Variants in GNAL observed in about 807,000 individuals in gnomAD.
The protein encoded by GNAL is guanine nucleotide-binding protein G(olf) subunit alpha.
A neutral mutation model predicts 55.1 loss-of-function variants in GNAL; 18 were observed. That is an observed-to-expected ratio of 0.33 (90% CI 0.23 to 0.48). GNAL has a LOEUF of 0.48. Among genes scored for constraint, GNAL ranks in the 20% least tolerant of loss-of-function variants. The pLI is 0.99. For missense variants in GNAL, 412 were observed against 614.1 expected (o/e 0.67, Z 3.48); for synonymous variants, 253 against 237.0 (o/e 1.07, Z -0.62).
At chr18:11,712,341 G>A (rs1347892181) in intron 1 of GNAL, among the ~76,000 whole-genome samples, 1 of 152,198 alleles carries the variant, frequency 6.6e-6, no homozygotes, top group African/African-American at 2.4e-5. Flanking sequence ...CAGGCCCGAC[G>A]TGCATAAAAT....
chr18:11,725,848 C>T (rs1161007686), intron 1 of GNAL, among the ~76,000 whole-genome samples: 1 of 152,160 alleles, frequency 6.6e-6, no homozygotes, highest in Non-Finnish European at 1.5e-5. Flanking sequence ...CAGGAAACTA[C>T]CAAATTGTCT....
chr18:11,740,705 C>T (rs1404618340), intron 1 of GNAL, among the ~76,000 whole-genome samples: 1 of 152,204 alleles, frequency 6.6e-6, no homozygotes. Flanking sequence ...TTCATTTGCT[C>T]AACCATACAA....
At chr18:11,828,501 G>C (rs1237221183) in intron 5 of GNAL, among the ~76,000 whole-genome samples, 4 of 152,188 alleles carry the variant, frequency 2.6e-5, no homozygotes, top group Non-Finnish European at 5.9e-5. Flanking sequence ...TTCTAAAGCA[G>C]TTCTTAATAA....
Position 11,752,713 on chromosome 18 carries a change from G to A in GNAL, c.377-140G>A, listed in dbSNP as rs1598429391. ...GGGCCGCGGAGCCCAGACGGCGGCC[G>A]GGGCGAGCTCCTCCAGCCAGGAACC... is the stretch of plus-strand genomic sequence containing the variant. On this transcript the variant is annotated intron_variant, in intron 1 of 11. Transcript: ENST00000334049. The surrounding 1 kb of genome is among the most constrained non-coding windows in gnomAD (Gnocchi z 4.5). 20 of 1,163,716 alleles carry A rather than the reference G, an allele frequency of 1.7e-5. No homozygotes were observed. The highest frequency in any genetic ancestry group is 2.3e-5 in the Non-Finnish European group (19 of 838,580). The allele number at this position is 1,163,716 out of a possible 1,614,324, so 72.1% of individuals were successfully genotyped here. A position where few individuals can be genotyped will look rare whatever the true frequency, so the allele number is the denominator to read the frequency against.
intron 5 of GNAL, chr18:11,854,481 A>C (rs2035956941): frequency 6.0e-6 from 1 of 167,028 alleles, no homozygotes; most frequent in Non-Finnish European, 1.5e-5. Context: ...GTTTTAAAAA[A>C]CACTTAAGAA....
intron 5 of GNAL, among the ~76,000 whole-genome samples, chr18:11,843,965 C>T (rs1307198481): frequency 1.3e-5 from 2 of 151,698 alleles, no homozygotes; most frequent in Admixed American, 6.6e-5. Context: ...GGGAGTGAAA[C>T]TCCATCTCAA....
chr18:11,694,661 G>A (rs544868043), intron 1 of GNAL, among the ~76,000 whole-genome samples: 83 of 152,240 alleles, frequency 5.5e-4, no homozygotes, highest in African/African-American at 1.8e-3. Flanking sequence ...GACTGGGTGC[G>A]GAGGGTAGGT....
intron 6 of GNAL, among the ~76,000 whole-genome samples, chr18:11,862,760 C>T (rs2036176139): frequency 6.6e-6 from 1 of 151,924 alleles, no homozygotes; most frequent in Admixed American, 6.6e-5. Flanking sequence ...TTCCTGGCTT[C>T]ATAAACTATG....
chr18:11,869,900 CTG>C (rs2036355707), intron 9 of GNAL, among the ~76,000 whole-genome samples: 1 of 152,104 alleles, frequency 6.6e-6, no homozygotes, highest in Non-Finnish European at 1.5e-5. Flanking sequence ...CAGAGGGAGA[CTG>C]TGTCTCAAAA....
At chr18:11,763,386 TAGG>T (rs2033305876) in intron 4 of GNAL, among the ~76,000 whole-genome samples, 1 of 152,118 alleles carries the variant, frequency 6.6e-6, no homozygotes, top group Non-Finnish European at 1.5e-5. Context: ...GTATCAAAAT[TAGG>T]AGATTTAACA....
Position 11,867,230 on chromosome 18 carries a change from ATTT to A in GNAL, c.910+9_910+11del, listed in dbSNP as rs761363529. 6.3e-7 allele frequency: 1 copy of A among 1,580,416 alleles called. No individual in the cohort carries two copies. Among genetic ancestry groups the A allele is most frequent in the African/African-American group, 1.3e-5 (1 of 74,212 alleles). On this transcript the variant is annotated splice_donor_5th_base_variant and intron_variant, in intron 8 of 11. Transcript: ENST00000334049. Reference sequence around the variant, plus strand: ...AAATGGATCCAGTGCTTTAACGGTGATTTTTTTATGCTCTCTCAAGAAAATAGG... The same window carrying A: ...AAATGGATCCAGTGCTTTAACGGTGATTTTATGCTCTCTCAAGAAAATAGG...
At chr18:11,825,835 A>G (rs1401575261) in intron 5 of GNAL, among the ~76,000 whole-genome samples, 1 of 151,372 alleles carries the variant, frequency 6.6e-6, no homozygotes, top group Non-Finnish European at 1.5e-5. Flanking sequence ...TGTTAGATAT[A>G]TTCTATTGCT....
At chr18:11,867,855 T>C (rs962066746) in intron 8 of GNAL, among the ~76,000 whole-genome samples, 11 of 151,890 alleles carry the variant, frequency 7.2e-5, no homozygotes, top group Non-Finnish European at 1.6e-4. Context: ...CCGGGTGTGG[T>C]GGCTCATGCC....
intron 1 of GNAL, among the ~76,000 whole-genome samples, chr18:11,706,418 G>A (rs2031713801): frequency 6.6e-6 from 1 of 152,120 alleles, no homozygotes; most frequent in African/African-American, 2.4e-5. Context: ...CTGGTGGAAG[G>A]TCTTGCCTCG....
At chr18:11,732,916 C>T (rs939255276) in intron 1 of GNAL, among the ~76,000 whole-genome samples, 4 of 152,176 alleles carry the variant, frequency 2.6e-5, no homozygotes, top group Admixed American at 6.5e-5. Context: ...GGCGGGAACA[C>T]AGGAGTGGGT....
At chr18:11,849,838 C>G (rs1313447019) in intron 5 of GNAL, among the ~76,000 whole-genome samples, 2 of 152,224 alleles carry the variant, frequency 1.3e-5, no homozygotes, top group Non-Finnish European at 2.9e-5. Flanking sequence ...AATTCAGCAA[C>G]GCCATCTGGA....
At chr18:11,838,255 C>G (rs2035539580) in intron 5 of GNAL, among the ~76,000 whole-genome samples, 1 of 152,204 alleles carries the variant, frequency 6.6e-6, no homozygotes, top group South Asian at 2.1e-4. Context: ...CATGCTACAA[C>G]ATGGATGATC....
chr18:11,821,002 G>A (rs994978273), intron 4 of GNAL, among the ~76,000 whole-genome samples: 3 of 152,136 alleles, frequency 2.0e-5, no homozygotes, highest in Non-Finnish European at 2.9e-5. Flanking sequence ...CTAGAGTTTC[G>A]TCTCCTATAA....
intron 1 of GNAL, among the ~76,000 whole-genome samples, chr18:11,726,310 C>A (rs2032210213): frequency 6.6e-6 from 1 of 152,192 alleles, no homozygotes; most frequent in Admixed American, 6.5e-5. Flanking sequence ...AATAATTCAC[C>A]ATTTCCACTT....
Sources: gnomAD v4.1 joint callset for allele counts (sites outside exome capture counted in the v4.1 genomes callset) on GRCh38, gnomAD v4.1.1 for gene constraint, Gnocchi (gnomAD v3.1) non-coding constraint, MANE v1.5 for transcripts, NCBI Gene and HGNC (gene_info 2026-07-23, HGNC 2026-07-21) for gene names.